Variants in FZD3 observed in about 807,000 individuals in gnomAD.
FZD3 encodes frizzled-3.
Under a neutral mutation model 60.7 loss-of-function variants are expected in FZD3, and 30 were observed. The ratio of observed to expected loss-of-function variants is 0.49; its 90% CI spans 0.37 to 0.67. The LOEUF is 0.67. Among genes scored for constraint, FZD3 ranks in the 30% least tolerant of loss-of-function variants. The pLI, the probability that FZD3 is intolerant of heterozygous loss-of-function variation, is 0.00. For missense variants in FZD3, 605 were observed against 838.7 expected, an observed-to-expected ratio of 0.72 and a Z score of 3.44; for synonymous variants, 246 against 275.2, an observed-to-expected ratio of 0.89 and a Z score of 1.05.
chr8:28,527,890 C>G lies in FZD3; in HGVS notation c.1130C>G (p.Ala377Gly), dbSNP rs767844094. 1.2e-6 allele frequency: 2 copies of G among 1,614,070 alleles called. No individual in the cohort carries two copies. Among genetic ancestry groups the G allele is most frequent in the Middle Eastern group, 1.6e-4 (1 of 6,062 alleles). ...GATGCATTGAGATATTTTGTTCTTG[C>G]TCCCCTCTGCCTGTATGTGGTAGTT... ...DVDALRYFVL[A>G]PLCLYVVVGV... Residue 377 changes from alanine to glycine, a missense_variant, in exon 5 of 8, where the codon GCT becomes GGT. Coordinates refer to ENST00000240093, the MANE Select transcript of FZD3 (RefSeq NM_017412.4). The surrounding 1 kb of genome is among the most constrained non-coding windows in gnomAD (Gnocchi z 5.0).
In FZD3 at chr8:28,570,291, A is replaced by C. The variant is rs1805781471; in HGVS notation, c.*7280A>C. 6.6e-6 allele frequency: 1 copy of C among 152,310 alleles called. No homozygotes were observed. The highest frequency in any genetic ancestry group is 2.1e-4 in the South Asian group (1 of 4,828). 9.4% of individuals were successfully genotyped at this position (152,310 alleles called of 1,614,324 possible). ...CAGATCACCTGAGGTCAGGAGTTCG[A>C]GACCAGCCTGATGAACATGGCAAAT... On this transcript the variant is annotated 3_prime_UTR_variant, in exon 8 of 8. Coordinates refer to ENST00000240093, the MANE Select transcript of FZD3 (RefSeq NM_017412.4).
intron 3 of FZD3, among the ~76,000 whole-genome samples, chr8:28,517,698 CTAA>C (rs1804467033): frequency 6.6e-6 from 1 of 151,996 alleles, no homozygotes. Context: ...TCTGATAGCT[CTAA>C]TAAGTTCTTA....
At chr8:28,525,171 A>G (rs911650518) in intron 4 of FZD3, among the ~76,000 whole-genome samples, 2 of 152,186 alleles carry the variant, frequency 1.3e-5, no homozygotes, top group African/African-American at 2.4e-5. Context: ...AGTTCAACAC[A>G]TGTCAATTGA....
chr8:28,553,985 T>G (rs988948670), intron 6 of FZD3, among the ~76,000 whole-genome samples: 1 of 152,224 alleles, frequency 6.6e-6, no homozygotes, highest in Non-Finnish European at 1.5e-5. Context: ...AACAAGTGAT[T>G]GCTAACATAT....
At chr8:28,497,717 A>G (rs1044668123) in intron 1 of FZD3, among the ~76,000 whole-genome samples, 10 of 152,224 alleles carry the variant, frequency 6.6e-5, no homozygotes, top group African/African-American at 2.2e-4. Flanking sequence ...GTGAATTGGA[A>G]TAGAGTTGCT....
intron 5 of FZD3, among the ~76,000 whole-genome samples, chr8:28,533,496 A>G (rs1003150450): frequency 5.3e-5 from 8 of 152,226 alleles, no homozygotes; most frequent in African/African-American, 1.9e-4. Context: ...GTTACTTTAA[A>G]TTTAACCAAA....
intron 5 of FZD3, among the ~76,000 whole-genome samples, chr8:28,537,719 G>A (rs1404387557): frequency 6.6e-6 from 1 of 152,194 alleles, no homozygotes; most frequent in African/African-American, 2.4e-5. Flanking sequence ...ACAGTGGTTG[G>A]TGACCTATGA....
chr8:28,561,366 G>A (rs551020215), intron 7 of FZD3, among the ~76,000 whole-genome samples: 4 of 151,980 alleles, frequency 2.6e-5, no homozygotes, highest in Non-Finnish European at 4.4e-5. Flanking sequence ...CAAAAGACGT[G>A]TTTAAAAAAA....
In FZD3 at chr8:28,564,370, G is replaced by A. The variant is rs1805667952; in HGVS notation, c.*1359G>A. The A allele has an allele frequency of 2.1e-5, 3 of 145,768 alleles. No individual in the cohort carries two copies. The Admixed American group carries it at 2.1e-4, about 10-fold the overall frequency. The allele number at this position is 145,768 out of a possible 1,614,324, so 9.0% of individuals were successfully genotyped here. A position where few individuals can be genotyped will look rare whatever the true frequency, so the allele number is the denominator to read the frequency against. ...ACAAGGGTCCTCAACCCTGACTGCA[G>A]ATAAGAATCACTTGGGTTACTTCAG... is the stretch of plus-strand genomic sequence containing the variant. On this transcript the variant is annotated 3_prime_UTR_variant, in exon 8 of 8. Transcript: ENST00000240093.
At chr8:28,533,465 A>G (rs1804931193) in intron 5 of FZD3, among the ~76,000 whole-genome samples, 1 of 152,236 alleles carries the variant, frequency 6.6e-6, no homozygotes, top group Non-Finnish European at 1.5e-5. Flanking sequence ...TTTAAAATGT[A>G]TCTTAAAAAT....
rs1401068685 is a variant in FZD3 at position 28,574,080 on chromosome 8, C to T, written c.*11069C>T. On this transcript the variant is annotated 3_prime_UTR_variant, in exon 8 of 8. Transcript: ENST00000240093. Reference sequence around the variant, plus strand: ...GAGCATGAACTGGGAATTTCACATTCTCTGATGTGCTTTGCACTCTGCTCT... The same window carrying T: ...GAGCATGAACTGGGAATTTCACATTTTCTGATGTGCTTTGCACTCTGCTCT... 1 of 152,264 alleles carries T rather than the reference C, an allele frequency of 6.6e-6. No homozygotes were observed. Among genetic ancestry groups the T allele is most frequent in the East Asian group, 1.9e-4 (1 of 5,186 alleles). 9.4% of individuals were successfully genotyped at this position (152,264 alleles called of 1,614,324 possible).
chr8:28,505,863 A>G lies in FZD3; in HGVS notation c.189+2661A>G, dbSNP rs542179393. On this transcript the variant is annotated intron_variant, in intron 3 of 7. Transcript: ENST00000240093. Reference sequence around the variant, plus strand: ...TTGAGATTGGGACATGTTTAAATAGATAAGTGTCAATCCATTAAGTTAGAA... The same window carrying G: ...TTGAGATTGGGACATGTTTAAATAGGTAAGTGTCAATCCATTAAGTTAGAA... 9.2e-5 allele frequency among the ~76,000 whole-genome samples: 14 copies of G among 152,350 alleles called. No homozygotes were observed. In the South Asian group the frequency reaches 1.7e-3, roughly 18 times the overall value.
At position 28,572,637 on chromosome 8, in the gene FZD3, T is replaced by C. The variant is rs190995992; in HGVS notation, c.*9626T>C. ...TAAAAGGGTTCATCTGTAAGTATCA[T>C]TTAGAGGCAAAATAATTTCCCCCTC... On this transcript the variant is annotated 3_prime_UTR_variant, in exon 8 of 8. Coordinates refer to ENST00000240093, the MANE Select transcript of FZD3 (RefSeq NM_017412.4). 5 of 152,268 alleles carry C rather than the reference T, an allele frequency of 3.3e-5. No individual in the cohort carries two copies. Among genetic ancestry groups the C allele is most frequent in the Admixed American group, 3.3e-4 (5 of 15,298 alleles). 9.4% of individuals were successfully genotyped at this position (152,268 alleles called of 1,614,324 possible).
At chr8:28,504,967 G>C (rs184696156) in intron 3 of FZD3, 4 of 152,732 alleles carry the variant, frequency 2.6e-5, no homozygotes, top group Non-Finnish European at 5.9e-5. Flanking sequence ...GAGCACCTAA[G>C]TGAGTAATAG....
chr8:28,495,162 C>T (rs777066084), intron 1 of FZD3, among the ~76,000 whole-genome samples: 32 of 152,198 alleles, frequency 2.1e-4, no homozygotes, highest in Admixed American at 3.3e-4. Flanking sequence ...AGTTCGATCC[C>T]TCTGTTGTAA....
chr8:28,509,343 A>G lies in FZD3; in HGVS notation c.189+6141A>G, dbSNP rs1256200300. On this transcript the variant is annotated intron_variant, in intron 3 of 7. Coordinates refer to ENST00000240093, the MANE Select transcript of FZD3 (RefSeq NM_017412.4). Reference sequence around the variant, plus strand: ...TATAACACTTATATAAAATATTTATATATCTATATTCTTTCACCTTTTTTG... The same window carrying G: ...TATAACACTTATATAAAATATTTATGTATCTATATTCTTTCACCTTTTTTG... Among the ~76,000 whole-genome samples, 4 of 151,594 alleles carry G rather than the reference A, an allele frequency of 2.6e-5. No homozygotes were observed. The East Asian group carries it at 5.8e-4, about 22-fold the overall frequency.
chr8:28,544,628 A>C (rs1267531830), intron 5 of FZD3, among the ~76,000 whole-genome samples: 1 of 152,182 alleles, frequency 6.6e-6, no homozygotes, highest in Non-Finnish European at 1.5e-5. Flanking sequence ...TTGATTATGC[A>C]CGTATAGTCT....
At position 28,527,552 on chromosome 8, in the gene FZD3, C is replaced by T. The variant is rs752135569; in HGVS notation, c.792C>T (p.Cys264=). ...IGFLLEDRVA[C]NASIPAQYKA... is the part of the protein sequence containing the mutation. ...TTTTGCTTGAAGATCGAGTAGCCTGCAATGCATCCATCCCTGCACAATATA... is the reference window on the plus strand; with the variant it reads ...TTTTGCTTGAAGATCGAGTAGCCTGTAATGCATCCATCCCTGCACAATATA... The change falls in exon 5 of 8, where the codon TGC becomes TGT. Residue 264 remains cysteine (C), a synonymous_variant. Transcript: ENST00000240093. The surrounding 1 kb of genome is among the most constrained non-coding windows in gnomAD (Gnocchi z 5.0). 7 of 1,613,816 alleles carry T rather than the reference C, an allele frequency of 4.3e-6. No homozygotes were observed. Among genetic ancestry groups the T allele is most frequent in the Admixed American group, 1.7e-5 (1 of 59,994 alleles).
At chr8:28,552,991 A>G (rs1404755431) in intron 6 of FZD3, among the ~76,000 whole-genome samples, 1 of 152,240 alleles carries the variant, frequency 6.6e-6, no homozygotes, top group African/African-American at 2.4e-5. Flanking sequence ...GATTTAAAGT[A>G]TACAAGAGGT....
Sources: gnomAD v4.1 joint callset for allele counts (sites outside exome capture counted in the v4.1 genomes callset) on GRCh38, gnomAD v4.1.1 for gene constraint, Gnocchi (gnomAD v3.1) non-coding constraint, MANE v1.5 for transcripts, NCBI Gene and HGNC (gene_info 2026-07-23, HGNC 2026-07-21) for gene names.